Variants in ASIC2 observed in about 807,000 individuals in gnomAD.
The protein encoded by ASIC2 is acid sensing ion channel subunit 2, also known as acid-sensing ion channel 2.
ASIC2 carries 25 observed loss-of-function variants against 57.3 expected under a neutral mutation model. The ratio of observed to expected loss-of-function variants is 0.44; its 90% CI spans 0.32 to 0.61. The LOEUF (loss-of-function observed/expected upper bound fraction) is 0.61, where lower values mean the gene tolerates loss of function less well. Ranked by LOEUF, ASIC2 falls within the 20% of genes least tolerant of loss-of-function variation. The probability of loss-of-function intolerance (pLI) is 0.06; values close to 1 mark genes in which losing one functional copy is unlikely to be tolerated. For missense variants in ASIC2, 641 were observed against 738.1 expected, an observed-to-expected ratio of 0.87 and a Z score of 1.52; for synonymous variants, 319 against 307.5, an observed-to-expected ratio of 1.04 and a Z score of -0.39.
chr17:33,960,693 C>T (rs1301660735), intron 1 of ASIC2, among the ~76,000 whole-genome samples: 1 of 152,160 alleles, frequency 6.6e-6, no homozygotes, highest in Non-Finnish European at 1.5e-5. Context: ...TTGTCTCCTG[C>T]TTCTGGAATT....
chr17:33,540,653 A>T (rs1915379148), intron 1 of ASIC2, among the ~76,000 whole-genome samples: 1 of 152,090 alleles, frequency 6.6e-6, no homozygotes, highest in Non-Finnish European at 1.5e-5. Flanking sequence ...CACTCCTGTG[A>T]GTCTCTCAAG....
intron 1 of ASIC2, among the ~76,000 whole-genome samples, chr17:33,236,980 T>C (rs1172350334): frequency 6.6e-6 from 1 of 152,166 alleles, no homozygotes; most frequent in African/African-American, 2.4e-5. Flanking sequence ...TTTGTGGTAA[T>C]TTATTATAGC....
intron 1 of ASIC2, among the ~76,000 whole-genome samples, chr17:33,278,549 T>C (rs1298207293): frequency 6.6e-6 from 1 of 151,998 alleles, no homozygotes; most frequent in African/African-American, 2.4e-5. Context: ...AGTTCTGGTT[T>C]GGAGTGAGGG....
At chr17:34,070,379 T>G (rs1376784748) in intron 1 of ASIC2, 1 of 152,062 alleles carries the variant, frequency 6.6e-6, no homozygotes, top group Non-Finnish European at 1.5e-5. Flanking sequence ...TTCTATCCAT[T>G]TGGGTACATG....
At chr17:33,121,262 C>T (rs180712056) in intron 1 of ASIC2, among the ~76,000 whole-genome samples, 1 of 152,314 alleles carries the variant, frequency 6.6e-6, no homozygotes, top group African/African-American at 2.4e-5. Flanking sequence ...GTGAGCATCT[C>T]TAGAACACCT....
chr17:34,039,914 T>A, intron 1 of ASIC2: 1 of 1,530,826 alleles, frequency 6.5e-7, no homozygotes, highest in South Asian at 1.1e-5. Context: ...CGCTCCTCCC[T>A]GGAGGGACCC....
At chr17:33,587,534 C>T (rs542577435) in intron 1 of ASIC2, among the ~76,000 whole-genome samples, 2 of 152,334 alleles carry the variant, frequency 1.3e-5, no homozygotes, top group South Asian at 4.1e-4. Context: ...ATGCTCAGCG[C>T]TTGCCCAGTG....
chr17:34,076,855 G>C (rs192144197), intron 1 of ASIC2, among the ~76,000 whole-genome samples: 1 of 152,184 alleles, frequency 6.6e-6, no homozygotes, highest in African/African-American at 2.4e-5. Flanking sequence ...GAAGGGCACA[G>C]AAGCAGGGCT....
At chr17:33,316,225 T>C (rs1906639968) in intron 1 of ASIC2, among the ~76,000 whole-genome samples, 1 of 152,212 alleles carries the variant, frequency 6.6e-6, no homozygotes, top group Non-Finnish European at 1.5e-5. Context: ...AGAGAGATGG[T>C]TCTGAAATAC....
intron 1 of ASIC2, among the ~76,000 whole-genome samples, chr17:33,389,821 G>A (rs944030423): frequency 5.3e-5 from 8 of 152,206 alleles, no homozygotes; most frequent in African/African-American, 1.4e-4. Context: ...GATAAGATGA[G>A]TTTGGGGAAA....
At chr17:33,594,171 A>G (rs970280850) in intron 1 of ASIC2, among the ~76,000 whole-genome samples, 4 of 152,138 alleles carry the variant, frequency 2.6e-5, no homozygotes, top group East Asian at 1.9e-4. Context: ...GCCCTCCACT[A>G]TGTGTCCCAG....
chr17:33,518,310 C>T (rs540908924), intron 1 of ASIC2, among the ~76,000 whole-genome samples: 3 of 152,226 alleles, frequency 2.0e-5, no homozygotes, highest in East Asian at 1.9e-4. Flanking sequence ...GAAGTGCGGG[C>T]GAAGGAGAGA....
At chr17:33,717,884 C>T (rs1392563791) in intron 1 of ASIC2, among the ~76,000 whole-genome samples, 3 of 152,188 alleles carry the variant, frequency 2.0e-5, no homozygotes, top group Non-Finnish European at 4.4e-5. Context: ...GGTAGATCTT[C>T]TTACAGTTAT....
At chr17:33,835,951 G>A (rs935796486) in intron 1 of ASIC2, among the ~76,000 whole-genome samples, 1 of 150,678 alleles carries the variant, frequency 6.6e-6, no homozygotes, top group Non-Finnish European at 1.5e-5. Context: ...CCCAGTATAT[G>A]AAATACTAAT....
chr17:33,600,206 T>G (rs1253187458), intron 1 of ASIC2, among the ~76,000 whole-genome samples: 1 of 152,206 alleles, frequency 6.6e-6, no homozygotes, highest in African/African-American at 2.4e-5. Flanking sequence ...CCAAAGTTGA[T>G]GTGTTGGAAA....
chr17:33,908,651 T>A (rs1179294264), intron 1 of ASIC2, among the ~76,000 whole-genome samples: 6 of 152,210 alleles, frequency 3.9e-5, no homozygotes, highest in African/African-American at 1.4e-4. Flanking sequence ...TTACCTGAGT[T>A]ACTATTACCA....
chr17:33,283,335 T>C (rs1219365936), intron 1 of ASIC2, among the ~76,000 whole-genome samples: 2 of 152,214 alleles, frequency 1.3e-5, no homozygotes, highest in Admixed American at 6.5e-5. Context: ...GTGTGGTTTG[T>C]GGACCAGCAG....
At chr17:33,307,969 C>T (rs573140098) in intron 1 of ASIC2, among the ~76,000 whole-genome samples, 2 of 152,280 alleles carry the variant, frequency 1.3e-5, no homozygotes, top group East Asian at 3.9e-4. Flanking sequence ...GTTGTTAGCT[C>T]CTGTTTTAAG....
chr17:34,089,493 T>C (rs1197619893), intron 1 of ASIC2, among the ~76,000 whole-genome samples: 1 of 152,198 alleles, frequency 6.6e-6, no homozygotes, highest in African/African-American at 2.4e-5. Context: ...GCCTCTGCTA[T>C]GGAAATTGAT....
Sources: allele counts gnomAD v4.1 joint callset (sites outside exome capture counted in the v4.1 genomes callset), GRCh38; gene constraint gnomAD v4.1.1; transcripts MANE v1.5; gene names NCBI Gene and HGNC (gene_info 2026-07-23, HGNC 2026-07-21).